Variants in AK1 observed in about 807,000 individuals in gnomAD.
AK1 encodes the protein adenylate kinase 1.
Under a neutral mutation model 23.9 loss-of-function variants are expected in AK1, and 13 were observed. The ratio of observed to expected loss-of-function variants is 0.54; its 90% CI spans 0.35 to 0.86. AK1 has a LOEUF of 0.86. Ranked by LOEUF, AK1 falls within the 40% of genes least tolerant of loss-of-function variation. The pLI is 0.01. For synonymous variants in AK1, 97 were observed against 102.8 expected (o/e 0.94, Z 0.34); for missense variants, 214 against 255.1 (o/e 0.84, Z 1.10).
In AK1 at chr9:127,873,421, G is replaced by A. The variant is rs753794871; in HGVS notation, c.8-360C>T. The A allele has an allele frequency of 2.1e-5, 33 of 1,569,866 alleles. No individual in the cohort carries two copies. Among genetic ancestry groups the A allele is most frequent in the African/African-American group, 1.6e-4 (12 of 73,634 alleles). On this transcript the variant is annotated intron_variant, in intron 2 of 6. Coordinates refer to ENST00000644144, the MANE Select transcript of AK1 (RefSeq NM_000476.3). ...CTGGCTCTCAGATCGTCTTCTCTGC[G>A]GGGGTCACTCGAGGAGCAGCAGCCC...
At position 127,868,776 on chromosome 9, in the gene AK1, C is replaced by T. The variant is rs1829312035; in HGVS notation, c.325-264G>A. On this transcript the variant is annotated intron_variant, in intron 5 of 6. Coordinates refer to ENST00000644144, the MANE Select transcript of AK1 (RefSeq NM_000476.3). The surrounding 1 kb of genome is among the most constrained non-coding windows in gnomAD (Gnocchi z 4.1). ...CCTGACTCTCTCTGCTCTAGGCTCT[C>T]ATCAACCTCCTTCCATGCCAGACCT... Among the ~76,000 whole-genome samples the T allele has an allele frequency of 6.6e-6, 1 of 152,192 alleles. No individual in the cohort carries two copies. The highest frequency in any genetic ancestry group is 1.5e-5 in the Non-Finnish European group (1 of 68,034).
In AK1 at chr9:127,868,344, CAT is replaced by C. The variant is rs776386826; in HGVS notation, c.491_492del (p.Tyr164Ter). The C allele has an allele frequency of 6.2e-7, 1 of 1,603,130 alleles. No homozygotes were observed. The highest frequency in any genetic ancestry group is 2.2e-5 in the East Asian group (1 of 44,562). ...ACCTTGCGCACAATGCCACGTTTCT[CAT>C]AGAAGGCGATGACAGGTTCTGTGGC... is the stretch of plus-strand genomic sequence containing the variant. ...YKATEPVIAF[Y>X]EKRGIVRKVN... On this transcript the variant is annotated frameshift_variant, in exon 6 of 7. Coordinates refer to ENST00000644144, the MANE Select transcript of AK1 (RefSeq NM_000476.3). LOFTEE classifies it high-confidence loss of function. This position sits in a 1 kb window ranked among gnomAD's most constrained non-coding sequence, Gnocchi z 4.1.
intron 2 of AK1, chr9:127,873,923 T>C (rs1048538988): frequency 1.0e-6 from 1 of 985,346 alleles, no homozygotes; most frequent in Non-Finnish European, 1.2e-6. Context: ...CCAGGGGCCC[T>C]CCCAGCCATA....
In AK1 at chr9:127,873,035, A is replaced by G. The variant is rs1829452522; in HGVS notation, c.34T>C (p.Phe12Leu). The change falls in exon 3 of 7, where the codon TTT becomes CTT. Residue 12 changes from phenylalanine (F) to leucine (L), a missense_variant. Coordinates refer to ENST00000644144, the MANE Select transcript of AK1 (RefSeq NM_000476.3). ...EEKLKKTKII[F>L]VVGGPGSGKG... ...CCTGCCCGCAACTCACCCACCACAAAGATGATCTTGGTTTTCTTCAGCTTC... is the reference window on the plus strand; with the variant it reads ...CCTGCCCGCAACTCACCCACCACAAGGATGATCTTGGTTTTCTTCAGCTTC... 6.2e-7 allele frequency: 1 copy of G among 1,613,960 alleles called. No homozygotes were observed. The highest frequency in any genetic ancestry group is 1.1e-5 in the South Asian group (1 of 91,082).
rs1829403776 is a variant in AK1, at chr9:127,871,336, C to A, written c.324+487G>T. Among the ~76,000 whole-genome samples, 1 of 151,556 alleles carries A rather than the reference C, an allele frequency of 6.6e-6. No individual in the cohort carries two copies. Among genetic ancestry groups the A allele is most frequent in the Non-Finnish European group, 1.5e-5 (1 of 68,026 alleles). On this transcript the variant is annotated intron_variant, in intron 5 of 6. Transcript: ENST00000644144. The surrounding 1 kb of genome is among the most constrained non-coding windows in gnomAD (Gnocchi z 4.4). ...TTTGCAGCCTCCAGCCAGGCTGGAA[C>A]CTCCCTTGTTGTCCTGCCCACATAT...
At chr9:127,874,953 C>T (rs890603063) in intron 1 of AK1, 16 of 272,798 alleles carry the variant, frequency 5.9e-5, no homozygotes, top group African/African-American at 1.1e-4. Context: ...AGGATGGCAC[C>T]GAGGGACATA....
At chr9:127,874,959 A>T (rs1829503394) in intron 1 of AK1, 2 of 379,140 alleles carry the variant, frequency 5.3e-6, no homozygotes, top group Non-Finnish European at 1.0e-5. Flanking sequence ...GCACCGAGGG[A>T]CATAAACAGC....
chr9:127,868,631 A>G lies in AK1; in HGVS notation c.325-119T>C. On this transcript the variant is annotated intron_variant, in intron 5 of 6. Coordinates refer to ENST00000644144, the MANE Select transcript of AK1 (RefSeq NM_000476.3). This position sits in a 1 kb window ranked among gnomAD's most constrained non-coding sequence, Gnocchi z 4.1. ...CCCTCAGACCTTCAATCCCTTCCCCAAGGCAGCCTGAAAGACCTTCCTAAA... is the reference window on the plus strand; with the variant it reads ...CCCTCAGACCTTCAATCCCTTCCCCGAGGCAGCCTGAAAGACCTTCCTAAA... 1 of 1,211,066 alleles carries G rather than the reference A, an allele frequency of 8.3e-7. No individual in the cohort carries two copies. The highest frequency in any genetic ancestry group is 1.2e-6 in the Non-Finnish European group (1 of 854,890). The allele number at this position is 1,211,066 out of a possible 1,614,324, so 75.0% of individuals were successfully genotyped here. A position where few individuals can be genotyped will look rare whatever the true frequency, so the allele number is the denominator to read the frequency against.
rs1443602211 is a variant in AK1, at chr9:127,868,425, G to A, written c.412C>T (p.Arg138Cys). 3 of 1,611,832 alleles carry A rather than the reference G, an allele frequency of 1.9e-6. No individual in the cohort carries two copies. The highest frequency in any genetic ancestry group is 2.5e-6 in the Non-Finnish European group (3 of 1,179,164). ...ATGGTCTCCTCATTGTCGTCCACAC[G>A]CCCGCTGGTCTCTCCACGTTTCAAG... The part of the protein sequence containing the change: ...RLLKRGETSG[R>C]VDDNEETIKK... The change falls in exon 6 of 7, where the codon CGT becomes TGT. Residue 138 changes from arginine to cysteine, a missense_variant. Transcript: ENST00000644144. The surrounding 1 kb of genome is among the most constrained non-coding windows in gnomAD (Gnocchi z 4.1).
At chr9:127,878,716 C>T (rs1829589833), upstream of AK1, among the ~76,000 whole-genome samples, 1 of 152,172 alleles carries the variant, frequency 6.6e-6, no homozygotes, top group African/African-American at 2.4e-5. Flanking sequence ...TCAGCAACCA[C>T]AGCAGCCAGG....
At chr9:127,878,633 G>A (rs1169683552), upstream of AK1, among the ~76,000 whole-genome samples, 1 of 152,162 alleles carries the variant, frequency 6.6e-6, no homozygotes, top group Non-Finnish European at 1.5e-5. Flanking sequence ...ATAGGCCCTA[G>A]GGAGCCATAG....
chr9:127,868,223 CAG>C lies in AK1; in HGVS notation c.516+96_516+97del. 2.1e-6 allele frequency: 3 copies of C among 1,458,910 alleles called. No individual in the cohort carries two copies. Among genetic ancestry groups the C allele is most frequent in the Non-Finnish European group, 2.8e-6 (3 of 1,063,100 alleles). 90.4% of individuals were successfully genotyped at this position (1,458,910 alleles called of 1,614,324 possible). On this transcript the variant is annotated intron_variant, in intron 6 of 6. Transcript: ENST00000644144. This position sits in a 1 kb window ranked among gnomAD's most constrained non-coding sequence, Gnocchi z 4.1. ...TTGAACCAGTGGGGAAACCAAGGCC[CAG>C]AGAGAGGGGCTGGCCTGAGGCCACA...
rs1412716471 is a variant in AK1, at chr9:127,868,277, G to A, written c.516+44C>T. The A allele has an allele frequency of 1.3e-6, 2 of 1,543,384 alleles. No homozygotes were observed. The highest frequency in any genetic ancestry group is 2.7e-5 in the African/African-American group (2 of 72,990). On this transcript the variant is annotated intron_variant, in intron 6 of 6. Transcript: ENST00000644144. This position sits in a 1 kb window ranked among gnomAD's most constrained non-coding sequence, Gnocchi z 4.1. ...AGTGAGCTGAGGCGGAGCCACATAG[G>A]AACCCGTTCTTCCCGGAGCTGCCCC... is the stretch of plus-strand genomic sequence containing the variant.
Position 127,867,719 on chromosome 9 carries a change from G to A in AK1, c.*289C>T, listed in dbSNP as rs1829278559. The A allele has an allele frequency of 1.4e-5, 6 of 422,250 alleles. No individual in the cohort carries two copies. Among genetic ancestry groups the A allele is most frequent in the South Asian group, 1.1e-4 (5 of 44,874 alleles). 26.2% of individuals were successfully genotyped at this position (422,250 alleles called of 1,614,324 possible). A position where few individuals can be genotyped will look rare whatever the true frequency, so the allele number is the denominator to read the frequency against. On this transcript the variant is annotated 3_prime_UTR_variant, in exon 7 of 7. Transcript: ENST00000644144. ...CTCCCACCAGAGCTAGAGGAGGGGT[G>A]GCTGGCAAAGGGAGGCTGAGGAGGA... is the stretch of plus-strand genomic sequence containing the variant.
chr9:127,873,253 C>A, intron 2 of AK1, 192 bp from the exon 3 acceptor site: 2 of 1,534,736 alleles, frequency 1.3e-6, no homozygotes, highest in South Asian at 2.4e-5. Context: ...TGGGAGAGGT[C>A]AGGGAAGAGA....
In AK1 at chr9:127,872,683, C is replaced by T. The variant is rs532127928; in HGVS notation, c.207+7G>A. On this transcript the variant is annotated splice_region_variant and intron_variant, in intron 4 of 6. Coordinates refer to ENST00000644144, the MANE Select transcript of AK1 (RefSeq NM_000476.3). ...CCCTGCCTCTCACCCCACCAGGGCCCACTCACCAGTGGAACCAGCTGCCCC... is the reference window on the plus strand; with the variant it reads ...CCCTGCCTCTCACCCCACCAGGGCCTACTCACCAGTGGAACCAGCTGCCCC... The T allele has an allele frequency of 1.5e-5, 25 of 1,613,974 alleles. 1 individual carries two copies. In the South Asian group the frequency reaches 2.4e-4, roughly 16 times the overall value.
chr9:127,869,610 CT>C (rs1722556352), intron 5 of AK1: 1 of 152,404 alleles, frequency 6.6e-6, no homozygotes, highest in South Asian at 2.1e-4. Flanking sequence ...GCGCTCATCC[CT>C]AGCTCCTCCG....
rs1488418479 is a variant in AK1 at position 127,868,011 on chromosome 9, C to G, written c.582G>C (p.Lys194Asn). ...TGGGGAAGCGGCTCCAGCGTTGCTA[C>G]TTTAGGGCGTCCAGGTGGGTGCAGA... The part of the protein sequence containing the change: ...SQVCTHLDAL[K>N] Residue 194 changes from lysine (K) to asparagine (N), a missense_variant, in exon 7 of 7, where the codon AAG (lysine) becomes AAC (asparagine). Transcript: ENST00000644144. This position sits in a 1 kb window ranked among gnomAD's most constrained non-coding sequence, Gnocchi z 4.1. 6.2e-7 allele frequency: 1 copy of G among 1,614,158 alleles called. No individual in the cohort carries two copies. The highest frequency in any genetic ancestry group is 8.5e-7 in the Non-Finnish European group (1 of 1,179,998).
rs1174640346 is a variant in AK1, at chr9:127,873,010, C to G, written c.43+16G>C. On this transcript the variant is annotated intron_variant, in intron 3 of 6. Transcript: ENST00000644144. Reference sequence around the variant, plus strand: ...GTGAAGACCCTTGCTGCACCACCCGCCTGCCCGCAACTCACCCACCACAAA... The same window carrying G: ...GTGAAGACCCTTGCTGCACCACCCGGCTGCCCGCAACTCACCCACCACAAA... The G allele has an allele frequency of 6.2e-7, 1 of 1,614,094 alleles. No individual in the cohort carries two copies.
Sources: gnomAD v4.1 joint callset for allele counts (sites outside exome capture counted in the v4.1 genomes callset) on GRCh38, gnomAD v4.1.1 for gene constraint, Gnocchi (gnomAD v3.1) non-coding constraint, MANE v1.5 for transcripts, NCBI Gene and HGNC (gene_info 2026-07-23, HGNC 2026-07-21) for gene names.